The following ETS1 variants were observed in gnomAD, a reference collection of about 807,000 sequenced individuals.
ETS1 encodes the protein ETS proto-oncogene 1, transcription factor, also known as protein C-ets-1.
Under a neutral mutation model 58.6 loss-of-function variants are expected in ETS1, and 15 were observed. That is an observed-to-expected ratio of 0.26 (90% CI 0.17 to 0.39). ETS1 has a LOEUF of 0.39. Ranked by LOEUF, ETS1 falls within the 10% of genes least tolerant of loss-of-function variation. The probability of loss-of-function intolerance (pLI) is 1.00; values close to 1 mark genes in which losing one functional copy is unlikely to be tolerated. For synonymous variants in ETS1, 214 were observed against 218.2 expected, an observed-to-expected ratio of 0.98 and a Z score of 0.17; for missense variants, 417 against 610.5, an observed-to-expected ratio of 0.68 and a Z score of 3.34.
At chr11:128,586,349 G>A (rs1465984142) in intron 1 of ETS1, among the ~76,000 whole-genome samples, 2 of 152,094 alleles carry the variant, frequency 1.3e-5, no homozygotes, top group South Asian at 2.1e-4. Flanking sequence ...GGAACAACAG[G>A]TGAGCAAGAC....
At chr11:128,548,111 G>GAAA in intron 3 of ETS1, among the ~76,000 whole-genome samples, 1 of 121,642 alleles carries the variant, frequency 8.2e-6, no homozygotes, top group Non-Finnish European at 1.9e-5. Context: ...GAAAGGAAAG[G>GAAA]GAAGGAAAGG....
intron 3 of ETS1, among the ~76,000 whole-genome samples, chr11:128,523,900 A>G (rs1298952407): frequency 6.6e-6 from 1 of 150,990 alleles, no homozygotes; most frequent in East Asian, 1.9e-4. Context: ...TTGTACATTT[A>G]CACGTCCAAA....
rs555585404 is a variant in ETS1 at position 128,491,790 on chromosome 11, T to C, written c.215-1214A>G. ...TGACTTCAAGTCAACTTGAAGTGCATACAGGACGAAAAATCTATAAAGCTT... is the reference window on the plus strand; with the variant it reads ...TGACTTCAAGTCAACTTGAAGTGCACACAGGACGAAAAATCTATAAAGCTT... On this transcript the variant is annotated intron_variant, in intron 3 of 9. Transcript: ENST00000392668. 1.2e-4 allele frequency among the ~76,000 whole-genome samples: 19 copies of C among 152,318 alleles called. No homozygotes were observed. In the East Asian group the frequency reaches 2.3e-3, roughly 19 times the overall value.
intron 8 of ETS1, among the ~76,000 whole-genome samples, chr11:128,474,900 T>C (rs1030583668): frequency 1.3e-5 from 2 of 152,354 alleles, no homozygotes; most frequent in South Asian, 4.1e-4. Flanking sequence ...ATGGTCTACA[T>C]TGAGACTGTG....
rs760248196 is a variant in ETS1 at position 128,480,408 on chromosome 11, G to A, written c.906C>T (p.Tyr302=). 6 of 1,613,826 alleles carry A rather than the reference G, an allele frequency of 3.7e-6. No individual in the cohort carries two copies. The highest frequency in any genetic ancestry group is 1.3e-5 in the African/African-American group (1 of 74,830). The part of the protein sequence containing the change: ...GQDSFESIES[Y]DSCDRLTQSW... ...ACTGGGTGAGGCGATCACAACTATCGTAGCTCTCTATGCTTTCAAAAGAGT... is the reference window on the plus strand; with the variant it reads ...ACTGGGTGAGGCGATCACAACTATCATAGCTCTCTATGCTTTCAAAAGAGT... Residue 302 remains tyrosine (Y), a synonymous_variant, in exon 8 of 10, where the codon TAC becomes TAT. Transcript: ENST00000392668.
At chr11:128,519,157 C>T (rs570041162) in intron 3 of ETS1, among the ~76,000 whole-genome samples, 3 of 152,202 alleles carry the variant, frequency 2.0e-5, no homozygotes, top group Non-Finnish European at 4.4e-5. Flanking sequence ...AAGGAAAAGT[C>T]AATTCTACTG....
In ETS1 at chr11:128,460,828, C is replaced by T. The variant is rs1861888426; in HGVS notation, c.*1533G>A. The T allele has an allele frequency of 6.6e-6, 1 of 152,352 alleles. No individual in the cohort carries two copies. Among genetic ancestry groups the T allele is most frequent in the Non-Finnish European group, 1.5e-5 (1 of 68,066 alleles). The allele number at this position is 152,352 out of a possible 1,614,324, so 9.4% of individuals were successfully genotyped here. A position where few individuals can be genotyped will look rare whatever the true frequency, so the allele number is the denominator to read the frequency against. On this transcript the variant is annotated 3_prime_UTR_variant, in exon 10 of 10. Coordinates refer to ENST00000392668, the MANE Select transcript of ETS1 (RefSeq NM_001143820.2). ...TTTCCTTTGCCTTCAAGTCATTCCT[C>T]TCTTCTGGAATTAACCTTCACTTAC...
At chr11:128,555,239 G>A (rs1338726076) in intron 3 of ETS1, among the ~76,000 whole-genome samples, 31 of 152,128 alleles carry the variant, frequency 2.0e-4, no homozygotes, top group Admixed American at 1.6e-3. Flanking sequence ...CTTGCCCTGC[G>A]TCTGTTTATT....
chr11:128,510,362 T>G (rs1863359940), intron 3 of ETS1, among the ~76,000 whole-genome samples: 1 of 152,212 alleles, frequency 6.6e-6, no homozygotes, highest in Non-Finnish European at 1.5e-5. Context: ...TGTGTCCATA[T>G]CTGGTGGCTT....
At chr11:128,562,268 G>C (rs1215627513) in intron 2 of ETS1, among the ~76,000 whole-genome samples, 1 of 152,178 alleles carries the variant, frequency 6.6e-6, no homozygotes, top group Non-Finnish European at 1.5e-5. Context: ...AATTAGCCAG[G>C]CGTGGTGGTA....
intron 1 of ETS1, among the ~76,000 whole-genome samples, chr11:128,586,415 A>G (rs1865032527): frequency 6.6e-6 from 1 of 152,194 alleles, no homozygotes; most frequent in Non-Finnish European, 1.5e-5. Flanking sequence ...ACGGCCCCTG[A>G]AGAAAAAGCG....
At position 128,464,534 on chromosome 11, in the gene ETS1, C is replaced by T. The variant is rs377331614; in HGVS notation, c.1124-907G>A. On this transcript the variant is annotated intron_variant, in intron 8 of 9. Transcript: ENST00000392668. This position sits in a 1 kb window ranked among gnomAD's most constrained non-coding sequence, Gnocchi z 4.1. ...CCAGTGATTCTTAATTTATAGGTGT[C>T]GGTGGAGAGACAAATAGGGGTTCAA... Among the ~76,000 whole-genome samples the T allele has an allele frequency of 6.6e-6, 1 of 152,108 alleles. No individual in the cohort carries two copies. Among genetic ancestry groups the T allele is most frequent in the African/African-American group, 2.4e-5 (1 of 41,398 alleles).
chr11:128,563,217 G>A (rs1004743827), intron 2 of ETS1, among the ~76,000 whole-genome samples: 4 of 152,124 alleles, frequency 2.6e-5, no homozygotes, highest in Admixed American at 2.0e-4. Flanking sequence ...TTTAGCCTTA[G>A]TACAGGGTCA....
intron 3 of ETS1, among the ~76,000 whole-genome samples, chr11:128,529,317 G>C: frequency 6.6e-6 from 1 of 152,198 alleles, no homozygotes; most frequent in East Asian, 1.9e-4. Context: ...TATTGAGGAA[G>C]GGTATGGGTT....
At chr11:128,566,712 G>C (rs929419151) in intron 2 of ETS1, among the ~76,000 whole-genome samples, 2 of 152,000 alleles carry the variant, frequency 1.3e-5, no homozygotes, top group African/African-American at 4.8e-5. Context: ...GAATCTGGGG[G>C]GCAGAGCCTG....
At position 128,459,669 on chromosome 11, in the gene ETS1, C is replaced by T. The variant is rs1422848162; in HGVS notation, c.*2692G>A. The stretch of plus-strand genomic sequence containing the variant: ...TTTCCAGTGTATAAACCACCCACCA[C>T]TCTTCCTGGGATGGTCTCTGGCCTT... On this transcript the variant is annotated 3_prime_UTR_variant, in exon 10 of 10. Coordinates refer to ENST00000392668, the MANE Select transcript of ETS1 (RefSeq NM_001143820.2). 2.0e-5 allele frequency: 3 copies of T among 152,830 alleles called. No homozygotes were observed. Among genetic ancestry groups the T allele is most frequent in the African/African-American group, 7.2e-5 (3 of 41,470 alleles). 9.5% of individuals were successfully genotyped at this position (152,830 alleles called of 1,614,324 possible).
rs1207429617 is a variant in ETS1, at chr11:128,464,500, ACAATGC to A, written c.1124-879_1124-874del. On this transcript the variant is annotated intron_variant, in intron 8 of 9. Transcript: ENST00000392668. This position sits in a 1 kb window ranked among gnomAD's most constrained non-coding sequence, Gnocchi z 4.1. The stretch of plus-strand genomic sequence containing the variant: ...GAGGATACTTTTCTCATCTGAAATG[ACAATGC>A]CACCAGTGATTCTTAATTTATAGGT... Among the ~76,000 whole-genome samples, 1 of 152,134 alleles carries A rather than the reference ACAATGC, an allele frequency of 6.6e-6. No homozygotes were observed. The highest frequency in any genetic ancestry group is 2.4e-5 in the African/African-American group (1 of 41,422).
intron 3 of ETS1, among the ~76,000 whole-genome samples, chr11:128,547,292 C>G (rs1368254105): frequency 1.3e-5 from 2 of 152,208 alleles, no homozygotes; most frequent in Non-Finnish European, 2.9e-5. Context: ...TTTTTAACCT[C>G]TTTGGGAGTC....
chr11:128,575,340 T>C (rs1327266450), intron 1 of ETS1, among the ~76,000 whole-genome samples: 3 of 152,244 alleles, frequency 2.0e-5, no homozygotes, highest in African/African-American at 4.8e-5. Flanking sequence ...AATATCTTAC[T>C]GTACTGTACT....
Sources: gnomAD v4.1 joint callset for allele counts (sites outside exome capture counted in the v4.1 genomes callset) on GRCh38, gnomAD v4.1.1 for gene constraint, Gnocchi (gnomAD v3.1) non-coding constraint, MANE v1.5 for transcripts, NCBI Gene and HGNC (gene_info 2026-07-23, HGNC 2026-07-21) for gene names.